VIRMA: variants seen among roughly 807,000 people sequenced by gnomAD.
VIRMA encodes protein virilizer homolog.
VIRMA carries 65 observed loss-of-function variants against 182.4 expected under a neutral mutation model. That is an observed-to-expected ratio of 0.36 (90% CI 0.29 to 0.44). The LOEUF (loss-of-function observed/expected upper bound fraction) is 0.44. Among genes scored for constraint, VIRMA ranks in the 20% least tolerant of loss-of-function variants. The pLI is 1.00. For missense variants in VIRMA, 1,752 were observed against 2,158.1 expected, an observed-to-expected ratio of 0.81 and a Z score of 3.73; for synonymous variants, 709 against 743.1, an observed-to-expected ratio of 0.95 and a Z score of 0.75.
chr8:94,493,206 G>C (rs1323958985), intron 20 of VIRMA, among the ~76,000 whole-genome samples: 8 of 152,120 alleles, frequency 5.3e-5, no homozygotes, highest in Admixed American at 5.2e-4. Context: ...ATTACAAAAA[G>C]ATTCTGTGCC....
chr8:94,541,742 A>G (rs1004229149), intron 2 of VIRMA, among the ~76,000 whole-genome samples: 40 of 152,076 alleles, frequency 2.6e-4, no homozygotes, highest in Non-Finnish European at 1.5e-4. Flanking sequence ...TGGTTTCACC[A>G]TGTTGGCTAG....
rs1339283210 is a variant in VIRMA, at chr8:94,529,183, T to A, written c.767A>T (p.Asp256Val). The change falls in exon 7 of 24, where the codon GAT (aspartate) becomes GTT (valine). Residue 256 changes from aspartate (D) to valine (V), a missense_variant. Asp to Val is a radical substitution (Grantham distance 152, BLOSUM62 -3). Transcript: ENST00000297591. The part of the protein sequence containing the change: ...EEGEEDEDDV[D>V]VEEEEDEDED... ...ATCCTCATCCTCTTCTTCCTCTACA[T>A]CCACATCATCTTCATCTTCTTCTCC... is the stretch of plus-strand genomic sequence containing the variant. 7.0e-7 allele frequency: 1 copy of A among 1,435,686 alleles called. No homozygotes were observed. Among genetic ancestry groups the A allele is most frequent in the East Asian group, 2.3e-5 (1 of 43,926 alleles). The allele number at this position is 1,435,686 out of a possible 1,614,324, so 88.9% of individuals were successfully genotyped here.
intron 2 of VIRMA, among the ~76,000 whole-genome samples, chr8:94,543,083 T>C (rs1275848506): frequency 2.0e-5 from 3 of 151,960 alleles, no homozygotes; most frequent in Non-Finnish European, 4.4e-5. Context: ...TAATTCTGTA[T>C]TTTTAGTAGA....
chr8:94,511,290 T>C lies in VIRMA; in HGVS notation c.3285A>G (p.Leu1095=), dbSNP rs1302711640. The change falls in exon 13 of 24, where the codon TTA becomes TTG. Residue 1095 remains leucine, a synonymous_variant. Coordinates refer to ENST00000297591, the MANE Select transcript of VIRMA (RefSeq NM_015496.5). ...TLANNTWSLM[L]KEVLSSILKV... ...TCAAGATTGAAGAAAGAACTTCTTT[T>C]AACATTAAAGACCAAGTATTATTGG... 3 of 1,613,872 alleles carry C rather than the reference T, an allele frequency of 1.9e-6. No homozygotes were observed. The highest frequency in any genetic ancestry group is 1.3e-5 in the African/African-American group (1 of 74,918).
At chr8:94,540,091 TTTTTTCTAGAAAGTG>T (rs1815486826) in intron 2 of VIRMA, among the ~76,000 whole-genome samples, 1 of 152,226 alleles carries the variant, frequency 6.6e-6, no homozygotes, top group South Asian at 2.1e-4. Flanking sequence ...TTTGATGCAC[TTTTTTCTAGAAAGTG>T]TTTTTACAGA....
intron 21 of VIRMA, 43 bp downstream of exon 21, chr8:94,492,609 C>A: frequency 6.5e-7 from 1 of 1,547,714 alleles, no homozygotes; most frequent in Non-Finnish European, 8.9e-7. Flanking sequence ...AATACATAAG[C>A]TTATGTGATG....
intron 23 of VIRMA, 89 bp from the exon 24 acceptor site, chr8:94,488,949 A>G: frequency 7.2e-7 from 1 of 1,396,170 alleles, no homozygotes; most frequent in Non-Finnish European, 9.8e-7. Context: ...GCTCAAACCA[A>G]GAATTACTCT....
Position 94,510,496 on chromosome 8 carries a change from G to T in VIRMA, c.3547C>A (p.Gln1183Lys). The change falls in exon 14 of 24, where the codon CAA (glutamine) becomes AAA (lysine). Residue 1183 changes from glutamine to lysine, a missense_variant. Gln to Lys is a moderately conservative substitution (Grantham distance 53). This residue lies in a region of VIRMA where 777 missense variants were observed against 920.6 expected (regional missense o/e 0.84). Coordinates refer to ENST00000297591, the MANE Select transcript of VIRMA (RefSeq NM_015496.5). ...IQHMLRRICV[Q>K]LCDLASPTAL... Reference sequence around the variant, plus strand: ...GTTGGTGAGGCAAGGTCACACAATTGAACACAAATACGCCGTAACATATGT... The same window carrying T: ...GTTGGTGAGGCAAGGTCACACAATTTAACACAAATACGCCGTAACATATGT... The T allele has an allele frequency of 6.2e-7, 1 of 1,614,046 alleles. No individual in the cohort carries two copies. The highest frequency in any genetic ancestry group is 1.1e-5 in the South Asian group (1 of 91,058).
rs1194676484 is a variant in VIRMA at position 94,491,860 on chromosome 8, G to A, written c.4858C>T (p.Pro1620Ser). The A allele has an allele frequency of 1.2e-6, 2 of 1,612,314 alleles. No individual in the cohort carries two copies. Among genetic ancestry groups the A allele is most frequent in the Non-Finnish European group, 1.7e-6 (2 of 1,178,998 alleles). ...CCTCCCCTGCCCCTTCCTCTTGGTG[G>A]TGGCACAACATGAGCTCTTTTGGCA... Reference protein sequence around the residue: ...EPAKRAHVVPPPRGRGRGGFG... With the variant: ...EPAKRAHVVPSPRGRGRGGFG... The change falls in exon 22 of 24, where the codon CCA becomes TCA. Residue 1620 changes from proline (P) to serine (S), a missense_variant. This residue lies in a region of VIRMA where 27 missense variants were observed against 60.8 expected (regional missense o/e 0.44). Coordinates refer to ENST00000297591, the MANE Select transcript of VIRMA (RefSeq NM_015496.5).
At chr8:94,539,713 C>G (rs540638456) in intron 2 of VIRMA, among the ~76,000 whole-genome samples, 3 of 152,120 alleles carry the variant, frequency 2.0e-5, no homozygotes, top group South Asian at 4.1e-4. Flanking sequence ...TGAACGTACC[C>G]CACAAAGTCC....
intron 5 of VIRMA, 128 bp downstream of exon 5, chr8:94,534,711 C>G: frequency 9.2e-7 from 1 of 1,083,794 alleles, no homozygotes; most frequent in Non-Finnish European, 1.3e-6. Flanking sequence ...CTCTCTCCCC[C>G]TCTCTTCCTC....
chr8:94,547,850 G>C (rs925628779), intron 1 of VIRMA, among the ~76,000 whole-genome samples: 1 of 148,806 alleles, frequency 6.7e-6, no homozygotes, highest in Non-Finnish European at 1.5e-5. Flanking sequence ...CTGGCAACAC[G>C]GCAAGACTCC....
intron 1 of VIRMA, among the ~76,000 whole-genome samples, chr8:94,546,557 TTTTG>T (rs1815773635): frequency 6.6e-6 from 1 of 151,118 alleles, no homozygotes; most frequent in African/African-American, 2.5e-5. Context: ...CTTTTTTAAT[TTTTG>T]TTTTTTAAAT....
At chr8:94,493,567 A>G (rs562116016) in intron 20 of VIRMA, among the ~76,000 whole-genome samples, 1 of 152,340 alleles carries the variant, frequency 6.6e-6, no homozygotes, top group South Asian at 2.1e-4. Context: ...TGTTTTGGAC[A>G]GGGCAGACTA....
chr8:94,548,491 AAATT>A (rs1220527530), intron 1 of VIRMA, among the ~76,000 whole-genome samples: 3 of 151,122 alleles, frequency 2.0e-5, no homozygotes, highest in African/African-American at 7.4e-5. Context: ...TACAGAAAGG[AAATT>A]AATTCACTCA....
At chr8:94,493,154 G>GA (rs895329809) in intron 20 of VIRMA, among the ~76,000 whole-genome samples, 8 of 152,136 alleles carry the variant, frequency 5.3e-5, no homozygotes, top group African/African-American at 1.7e-4. Context: ...AAAAGAATCT[G>GA]AAAATAACAT....
intron 16 of VIRMA, among the ~76,000 whole-genome samples, chr8:94,506,157 T>C (rs1214363027): frequency 6.6e-6 from 1 of 152,206 alleles, no homozygotes; most frequent in East Asian, 1.9e-4. Context: ...TTAAGGTCTA[T>C]AAAATCCCTC....
At chr8:94,536,537 G>T (rs552978506) in intron 4 of VIRMA, among the ~76,000 whole-genome samples, 1 of 152,208 alleles carries the variant, frequency 6.6e-6, no homozygotes, top group Admixed American at 6.5e-5. Flanking sequence ...TTCTGAACTT[G>T]CCTATCTAAA....
chr8:94,544,842 C>T (rs1261795078), intron 1 of VIRMA, among the ~76,000 whole-genome samples: 1 of 151,938 alleles, frequency 6.6e-6, no homozygotes, highest in East Asian at 1.9e-4. Context: ...GATCAGCTTA[C>T]TTTGTTAAAC....
Sources: gnomAD v4.1 joint callset for allele counts (sites outside exome capture counted in the v4.1 genomes callset) on GRCh38, gnomAD v4.1.1 for gene constraint, gnomAD v4.1.1 regional missense constraint, MANE v1.5 for transcripts, NCBI Gene and HGNC (gene_info 2026-07-23, HGNC 2026-07-21) for gene names.